KIRREL1: variants seen among roughly 807,000 people sequenced by gnomAD.
KIRREL1 encodes kirre like nephrin family adhesion molecule 1, also known as kin of IRRE-like protein 1.
In KIRREL1, 25 loss-of-function variants were observed where a neutral mutation model predicts 83.3. The observed-to-expected ratio is 0.30, with a 90% confidence interval of 0.22 to 0.42. KIRREL1 has a LOEUF of 0.42. KIRREL1 is among the 10% of genes least tolerant of loss of function. The probability of loss-of-function intolerance (pLI) is 1.00; values close to 1 mark genes in which losing one functional copy is unlikely to be tolerated. For missense variants in KIRREL1, 812 were observed against 1,032.3 expected (o/e 0.79, Z 2.92); for synonymous variants, 388 against 410.4 (o/e 0.95, Z 0.66).
At chr1:157,998,164 C>G (rs760529690) in intron 1 of KIRREL1, among the ~76,000 whole-genome samples, 5 of 152,188 alleles carry the variant, frequency 3.3e-5, no homozygotes, top group African/African-American at 4.8e-5. Flanking sequence ...GCCACTGTAC[C>G]TGGCCAAGAA....
chr1:158,077,225 G>C (rs1198030375), intron 2 of KIRREL1, among the ~76,000 whole-genome samples: 3 of 152,232 alleles, frequency 2.0e-5, no homozygotes, highest in Middle Eastern at 3.2e-3. Context: ...AAATTCGTCT[G>C]TGTAGAGCAA....
At chr1:158,031,822 AC>A (rs1432490718) in intron 1 of KIRREL1, among the ~76,000 whole-genome samples, 4 of 152,202 alleles carry the variant, frequency 2.6e-5, no homozygotes, top group East Asian at 3.9e-4. Flanking sequence ...AATGGCTCAT[AC>A]CTGTAATCCC....
At chr1:158,065,315 T>C (rs1402379566) in intron 1 of KIRREL1, among the ~76,000 whole-genome samples, 1 of 152,214 alleles carries the variant, frequency 6.6e-6, no homozygotes, top group Non-Finnish European at 1.5e-5. Context: ...GCTTAGAAGC[T>C]CTGTTGGTAA....
rs1558021032 is a variant in KIRREL1, at chr1:158,095,017, A to G, written c.2171A>G (p.Tyr724Cys). The G allele has an allele frequency of 6.2e-7, 1 of 1,613,976 alleles. No individual in the cohort carries two copies. ...CTGGAGCGGACCCCATATGAGGCGTATGACCCCATTGGCAAGTACGCCACA... is the reference window on the plus strand; with the variant it reads ...CTGGAGCGGACCCCATATGAGGCGTGTGACCCCATTGGCAAGTACGCCACA... ...SGLERTPYEA[Y>C]DPIGKYATAT... is the part of the protein sequence containing the mutation. The change falls in exon 15 of 15, where the codon TAT (tyrosine) becomes TGT (cysteine). Residue 724 changes from tyrosine (Y) to cysteine (C), a missense_variant. By Grantham distance (194) the Tyr-to-Cys change is radical. Transcript: ENST00000359209.
intron 1 of KIRREL1, among the ~76,000 whole-genome samples, chr1:158,014,866 T>C (rs1156671446): frequency 6.6e-6 from 1 of 152,108 alleles, no homozygotes; most frequent in East Asian, 1.9e-4. Flanking sequence ...TCTTGGGGTC[T>C]TCCTCGGAAG....
At chr1:158,091,714 T>G (rs903541713) in intron 11 of KIRREL1, among the ~76,000 whole-genome samples, 158 bp downstream of exon 11, 10 of 151,460 alleles carry the variant, frequency 6.6e-5, no homozygotes, top group Non-Finnish European at 1.5e-4. Context: ...AGGTCAGGAG[T>G]GAAGGGGTTT....
chr1:158,086,088 A>G (rs963203926), intron 4 of KIRREL1, among the ~76,000 whole-genome samples: 1 of 152,172 alleles, frequency 6.6e-6, no homozygotes, highest in Non-Finnish European at 1.5e-5. Context: ...TGGCCTTAAT[A>G]ATAATATATT....
intron 1 of KIRREL1, among the ~76,000 whole-genome samples, chr1:158,006,225 C>T (rs976553449): frequency 1.4e-4 from 21 of 152,190 alleles, no homozygotes; most frequent in Admixed American, 4.6e-4. Flanking sequence ...CCAGAGACAT[C>T]AATGTTTGTC....
chr1:158,049,901 T>A (rs1660868533), intron 1 of KIRREL1, among the ~76,000 whole-genome samples: 1 of 152,066 alleles, frequency 6.6e-6, no homozygotes, highest in South Asian at 2.1e-4. Flanking sequence ...AAGACCCGTA[T>A]TACAGCAACC....
intron 1 of KIRREL1, among the ~76,000 whole-genome samples, chr1:158,032,713 C>G (rs1346583528): frequency 6.6e-6 from 1 of 152,116 alleles, no homozygotes; most frequent in Non-Finnish European, 1.5e-5. Flanking sequence ...ACTGCTTGTC[C>G]CCAGCCTCCT....
chr1:158,054,008 C>G (rs1660975968), intron 1 of KIRREL1, among the ~76,000 whole-genome samples: 1 of 151,354 alleles, frequency 6.6e-6, no homozygotes, highest in African/African-American at 2.4e-5. Context: ...GTCAGGAGTT[C>G]CAGACCAGCC....
At chr1:158,026,877 C>G (rs147166468) in intron 1 of KIRREL1, among the ~76,000 whole-genome samples, 233 of 152,240 alleles carry the variant, frequency 1.5e-3, no homozygotes, top group Non-Finnish European at 2.6e-3. Context: ...CCCCCCACCC[C>G]CTACAACAGT....
chr1:158,093,424 C>A lies in KIRREL1; in HGVS notation c.1557C>A (p.Phe519Leu), dbSNP rs200134786. 1 of 1,614,210 alleles carries A rather than the reference C, an allele frequency of 6.2e-7. No homozygotes were observed. The highest frequency in any genetic ancestry group is 1.3e-5 in the African/African-American group (1 of 75,066). ...LIFFFIALVFFLYRRRKGSRK... is the reference protein window; with the variant it reads ...LIFFFIALVFLLYRRRKGSRK... ...TCTTCTTCATCGCCTTGGTATTCTTCCTCTACCGGCGCCGCAAAGGCAGTG... is the reference window on the plus strand; with the variant it reads ...TCTTCTTCATCGCCTTGGTATTCTTACTCTACCGGCGCCGCAAAGGCAGTG... Residue 519 changes from phenylalanine to leucine, a missense_variant, in exon 12 of 15, where the codon TTC (phenylalanine) becomes TTA (leucine). Physicochemically the swap from Phe to Leu is conservative, Grantham distance 22 (BLOSUM62 0). Around this residue, in one of 3 missense-constraint regions of KIRREL1, gnomAD observed 334 missense variants for 383.7 expected, o/e 0.87. Transcript: ENST00000359209.
chr1:158,087,712 A>G, intron 5 of KIRREL1, 43 bp from the exon 6 acceptor site: 1 of 1,447,470 alleles, frequency 6.9e-7, no homozygotes, highest in Non-Finnish European at 9.6e-7. Flanking sequence ...AAAGAAACTC[A>G]AGGGACAGAA....
At chr1:158,084,071 A>C (rs1442623309) in intron 3 of KIRREL1, among the ~76,000 whole-genome samples, 1 of 152,194 alleles carries the variant, frequency 6.6e-6, no homozygotes, top group Non-Finnish European at 1.5e-5. Context: ...TGGAGGTTAC[A>C]GTGAGCTGAG....
chr1:158,087,152 A>G (rs1213339020), intron 5 of KIRREL1, among the ~76,000 whole-genome samples: 6 of 152,158 alleles, frequency 3.9e-5, no homozygotes, highest in African/African-American at 1.2e-4. Flanking sequence ...TTCACTGCAG[A>G]TGTATTCATA....
At chr1:158,003,649 G>A (rs1187681667) in intron 1 of KIRREL1, among the ~76,000 whole-genome samples, 1 of 152,192 alleles carries the variant, frequency 6.6e-6, no homozygotes, top group African/African-American at 2.4e-5. Context: ...CAGCTACATT[G>A]TGGTTGATGT....
At chr1:158,093,844 G>A in intron 13 of KIRREL1, 82 bp downstream of exon 13, 1 of 1,491,754 alleles carries the variant, frequency 6.7e-7, no homozygotes, top group Non-Finnish European at 9.2e-7. Flanking sequence ...AATAACCGCG[G>A]TCATTCTCTC....
At chr1:158,093,902 C>T (rs1467134110) in intron 13 of KIRREL1, 140 bp downstream of exon 13, 6 of 884,502 alleles carry the variant, frequency 6.8e-6, no homozygotes, top group Non-Finnish European at 1.0e-5. Flanking sequence ...CTCTCCCACA[C>T]TCACACACAT....
Sources: allele counts gnomAD v4.1 joint callset (sites outside exome capture counted in the v4.1 genomes callset), GRCh38; gene constraint gnomAD v4.1.1; regional missense constraint gnomAD v4.1.1; transcripts MANE v1.5; gene names NCBI Gene and HGNC (gene_info 2026-07-23, HGNC 2026-07-21).